Variants in GPC3 observed in about 807,000 individuals in gnomAD.
GPC3 encodes the protein glypican-3.
GPC3 carries 3 observed loss-of-function variants against 34.4 expected under a neutral mutation model. The ratio of observed to expected loss-of-function variants is 0.09; its 90% CI spans 0.04 to 0.23. GPC3 has a LOEUF of 0.23. Ranked by LOEUF, GPC3 falls within the 10% of genes least tolerant of loss-of-function variation. The probability of loss-of-function intolerance (pLI) is 1.00; values close to 1 mark genes in which losing one functional copy is unlikely to be tolerated. For synonymous variants in GPC3, 177 were observed against 174.0 expected (o/e 1.02, Z -0.13); for missense variants, 351 against 445.6 (o/e 0.79, Z 1.91).
At chrX:133,920,049 C>T (rs778053108) in intron 2 of GPC3, among the ~76,000 whole-genome samples, 73 of 108,254 alleles carry the variant, frequency 6.7e-4, no homozygotes, top group African/African-American at 2.4e-3. Context: ...CCTGTAGTCC[C>T]AGCTACTTAG....
At chrX:133,832,448 A>G in intron 2 of GPC3, among the ~76,000 whole-genome samples, 1 of 108,365 alleles carries the variant, frequency 9.2e-6, no homozygotes, top group Non-Finnish European at 1.9e-5. Context: ...CCATGAATGA[A>G]CCTACCTGAG....
At chrX:133,777,855 C>T (rs1037371878) in intron 2 of GPC3, among the ~76,000 whole-genome samples, 5 of 111,470 alleles carry the variant, frequency 4.5e-5, no homozygotes, top group South Asian at 3.8e-4. Context: ...GATCAAAGCT[C>T]GTCAATTCAC....
At chrX:133,793,656 C>G (rs1259922791) in intron 2 of GPC3, among the ~76,000 whole-genome samples, 1 of 111,767 alleles carries the variant, frequency 8.9e-6, no homozygotes. Context: ...TTCTAATAGC[C>G]TATATATTTG....
chrX:133,619,083 G>A (rs2124355763), intron 6 of GPC3, among the ~76,000 whole-genome samples: 1 of 112,142 alleles, frequency 8.9e-6, no homozygotes, highest in South Asian at 3.7e-4. Flanking sequence ...ATGAAAAGAT[G>A]CTTAACATCA....
chrX:133,855,319 C>T (rs1239948125), intron 2 of GPC3, among the ~76,000 whole-genome samples: 1 of 109,393 alleles, frequency 9.1e-6, no homozygotes, highest in Non-Finnish European at 1.9e-5. Context: ...TGAGTTCCTA[C>T]ACCCGACTAA....
At chrX:133,917,694 G>GA (rs766356864) in intron 2 of GPC3, among the ~76,000 whole-genome samples, 227 of 111,606 alleles carry the variant, frequency 2.0e-3, no homozygotes, top group Non-Finnish European at 3.2e-3. Flanking sequence ...GTCCTAGAGA[G>GA]AAAAAGGGAA....
intron 2 of GPC3, among the ~76,000 whole-genome samples, chrX:133,837,180 T>G (rs1027876169): frequency 6.3e-5 from 7 of 111,666 alleles, no homozygotes; most frequent in Non-Finnish European, 1.3e-4. Context: ...AGACATCATG[T>G]GGCCCTCTTC....
intron 2 of GPC3, among the ~76,000 whole-genome samples, chrX:133,870,719 C>A (rs1458108477): frequency 9.0e-6 from 1 of 111,357 alleles, no homozygotes; most frequent in Non-Finnish European, 1.9e-5. Context: ...CACTCTACCC[C>A]CAAATATATT....
At chrX:133,911,016 C>T (rs1338846569) in intron 2 of GPC3, among the ~76,000 whole-genome samples, 4 of 111,708 alleles carry the variant, frequency 3.6e-5, no homozygotes, top group African/African-American at 1.3e-4. Flanking sequence ...TTGGTATGTG[C>T]TAAATGTGAA....
At chrX:133,627,164 C>T (rs1437547306) in intron 6 of GPC3, among the ~76,000 whole-genome samples, 14 of 63,915 alleles carry the variant, frequency 2.2e-4, no homozygotes, top group African/African-American at 5.4e-4. Flanking sequence ...AGGCCTGTCG[C>T]AGGGTGGGGG....
intron 2 of GPC3, among the ~76,000 whole-genome samples, chrX:133,827,944 CAAAAAAAAAAAAA>C (rs760699432): frequency 2.8e-5 from 1 of 36,025 alleles, no homozygotes; most frequent in African/African-American, 1.2e-4. Context: ...AACTCCATCC[CAAAAAAAAAAAAA>C]AAAAAAAAAA....
intron 5 of GPC3, among the ~76,000 whole-genome samples, chrX:133,690,617 G>A (rs986146678): frequency 2.7e-5 from 3 of 111,461 alleles, no homozygotes; most frequent in African/African-American, 9.8e-5. Flanking sequence ...TGCCTTTTTC[G>A]CCCTTGCACC....
chrX:133,841,120 T>C (rs1198290599), intron 2 of GPC3, among the ~76,000 whole-genome samples: 1 of 108,263 alleles, frequency 9.2e-6, no homozygotes, highest in Non-Finnish European at 1.9e-5. Flanking sequence ...AGTGGCTCAC[T>C]GCATGCTCAA....
intron 2 of GPC3, among the ~76,000 whole-genome samples, chrX:133,876,442 A>T (rs1238981585): frequency 8.9e-6 from 1 of 111,901 alleles, no homozygotes; most frequent in Non-Finnish European, 1.9e-5. Flanking sequence ...CTCAAATAAG[A>T]TAAAGTGTTA....
intron 2 of GPC3, among the ~76,000 whole-genome samples, chrX:133,924,863 C>A (rs969602678): frequency 9.0e-6 from 1 of 110,520 alleles, no homozygotes; most frequent in African/African-American, 3.3e-5. Context: ...GGAAAGGTGA[C>A]AAAGAGAAAA....
At chrX:133,651,642 C>A (rs1321116704) in intron 6 of GPC3, among the ~76,000 whole-genome samples, 3 of 111,622 alleles carry the variant, frequency 2.7e-5, no homozygotes, top group African/African-American at 9.8e-5. Flanking sequence ...TAACCCCCAC[C>A]TAGCATCATG....
chrX:133,788,531 C>T (rs1041978774), intron 2 of GPC3, among the ~76,000 whole-genome samples: 4 of 110,078 alleles, frequency 3.6e-5, no homozygotes, highest in African/African-American at 1.3e-4. Flanking sequence ...GCCTTTCTAT[C>T]CCCATCTCAC....
chrX:133,562,494 A>C (rs1287995864), intron 7 of GPC3, among the ~76,000 whole-genome samples: 1 of 110,651 alleles, frequency 9.0e-6, no homozygotes, highest in East Asian at 2.8e-4. Flanking sequence ...AGCCAGGCAC[A>C]GTGGTGGGCG....
intron 6 of GPC3, among the ~76,000 whole-genome samples, chrX:133,655,776 C>T (rs1282333322): frequency 8.9e-6 from 1 of 112,057 alleles, no homozygotes; most frequent in Non-Finnish European, 1.9e-5. Context: ...AAACAAGTTA[C>T]TTGGAGTGTT....
Sources: allele counts gnomAD v4.1 joint callset (sites outside exome capture counted in the v4.1 genomes callset), GRCh38; gene constraint gnomAD v4.1.1; transcripts MANE v1.5; gene names NCBI Gene and HGNC (gene_info 2026-07-23, HGNC 2026-07-21).